Variants in MRPL48 observed in about 807,000 individuals in gnomAD.
MRPL48 encodes the protein mitochondrial ribosomal protein L48.
A neutral mutation model predicts 32.9 loss-of-function variants in MRPL48; 16 were observed. The observed-to-expected ratio is 0.49, with a 90% CI of 0.33 to 0.74. The LOEUF is 0.74. MRPL48 is among the 30% of genes least tolerant of loss of function. MRPL48 has a pLI of 0.02. For synonymous variants in MRPL48, 94 were observed against 89.2 expected (o/e 1.05, Z -0.31); for missense variants, 206 against 245.3 (o/e 0.84, Z 1.07).
intron 4 of MRPL48, chr11:73,842,720 C>T (rs763191078): frequency 6.6e-6 from 1 of 152,266 alleles, no homozygotes; most frequent in Non-Finnish European, 1.5e-5. Context: ...ATCCACCTGC[C>T]TCGGCCTCCC....
At chr11:73,826,185 T>A (rs1947886436) in intron 4 of MRPL48, among the ~76,000 whole-genome samples, 1 of 151,834 alleles carries the variant, frequency 6.6e-6, no homozygotes, top group Non-Finnish European at 1.5e-5. Flanking sequence ...CCCATCTAAT[T>A]AAAAAAAATT....
chr11:73,793,998 C>T (rs889868241), intron 1 of MRPL48, among the ~76,000 whole-genome samples: 15 of 151,634 alleles, frequency 9.9e-5, no homozygotes, highest in African/African-American at 1.7e-4. Flanking sequence ...TGAGCCACCA[C>T]GCCCGGCCTG....
intron 3 of MRPL48, among the ~76,000 whole-genome samples, chr11:73,814,397 G>GA (rs367618546): frequency 3.3e-5 from 5 of 149,350 alleles, no homozygotes; most frequent in Admixed American, 1.3e-4. Flanking sequence ...GTCTCAAAAA[G>GA]AAAAAAAAAG....
chr11:73,807,528 C>CA (rs1345990329), intron 2 of MRPL48, among the ~76,000 whole-genome samples: 1 of 150,242 alleles, frequency 6.7e-6, no homozygotes, highest in African/African-American at 2.4e-5. Context: ...CTAATCTTCA[C>CA]AAAAAACACT....
At chr11:73,849,594 G>C (rs749141076) in intron 5 of MRPL48, among the ~76,000 whole-genome samples, 5 of 152,118 alleles carry the variant, frequency 3.3e-5, no homozygotes, top group African/African-American at 7.2e-5. Flanking sequence ...TTGGTTTTTT[G>C]TTGTTGTTGC....
At chr11:73,794,414 G>T (rs145686442) in intron 1 of MRPL48, among the ~76,000 whole-genome samples, 83 of 151,854 alleles carry the variant, frequency 5.5e-4, no homozygotes, top group African/African-American at 2.0e-3. Flanking sequence ...AATTAGCTGG[G>T]CGTGGTGGCG....
At chr11:73,794,749 T>G (rs907326450) in intron 1 of MRPL48, among the ~76,000 whole-genome samples, 1 of 146,266 alleles carries the variant, frequency 6.8e-6, no homozygotes, top group Non-Finnish European at 1.5e-5. Context: ...CTTCTTTTCT[T>G]TTTTTTTTTT....
intron 1 of MRPL48, among the ~76,000 whole-genome samples, chr11:73,799,233 T>A (rs184718300): frequency 8.5e-5 from 13 of 152,058 alleles, no homozygotes; most frequent in Non-Finnish European, 1.0e-4. Flanking sequence ...ACATCTGTAG[T>A]CCCAGCTACT....
At chr11:73,802,998 A>G (rs1031928661) in intron 1 of MRPL48, among the ~76,000 whole-genome samples, 37 of 152,292 alleles carry the variant, frequency 2.4e-4, no homozygotes, top group African/African-American at 8.7e-4. Context: ...CACCTGGCTT[A>G]TAATAGACTT....
intron 1 of MRPL48, among the ~76,000 whole-genome samples, chr11:73,797,512 C>G (rs1351441825): frequency 6.6e-6 from 1 of 152,226 alleles, no homozygotes; most frequent in African/African-American, 2.4e-5. Context: ...CTGGCATCTC[C>G]AAGCTTCTGA....
chr11:73,836,094 C>T (rs1948097205), intron 4 of MRPL48, among the ~76,000 whole-genome samples: 1 of 151,126 alleles, frequency 6.6e-6, no homozygotes, highest in Non-Finnish European at 1.5e-5. Context: ...CCTCCATGCC[C>T]AGCTAATTTT....
chr11:73,854,697 A>G (rs1948457317), intron 5 of MRPL48, among the ~76,000 whole-genome samples: 1 of 152,180 alleles, frequency 6.6e-6, no homozygotes, highest in Non-Finnish European at 1.5e-5. Context: ...TTAAAAGACT[A>G]TCTAGTCCAA....
intron 7 of MRPL48, among the ~76,000 whole-genome samples, chr11:73,864,084 T>A (rs1948628633): frequency 2.0e-5 from 3 of 152,194 alleles, no homozygotes; most frequent in Admixed American, 1.3e-4. Context: ...CTAACCAGAC[T>A]ATAAGTTCAC....
chr11:73,788,100 G>T, intron 1 of MRPL48, 108 bp downstream of exon 1: 1 of 1,520,074 alleles, frequency 6.6e-7, no homozygotes, highest in South Asian at 1.2e-5. Context: ...GGACATCCGG[G>T]GATGAGACAC....
At chr11:73,857,445 CT>C (rs916636906) in intron 5 of MRPL48, among the ~76,000 whole-genome samples, 43 of 144,728 alleles carry the variant, frequency 3.0e-4, no homozygotes, top group African/African-American at 3.3e-4. Flanking sequence ...TTTTTTCTTC[CT>C]TTTTTTTTTT....
At chr11:73,790,292 A>G (rs1947125735) in intron 1 of MRPL48, among the ~76,000 whole-genome samples, 1 of 143,844 alleles carries the variant, frequency 7.0e-6, no homozygotes, top group Non-Finnish European at 1.5e-5. Context: ...GATGGTCTCT[A>G]TCTCCTGACC....
intron 3 of MRPL48, among the ~76,000 whole-genome samples, chr11:73,809,503 C>CA (rs11317887): frequency 0.026 from 2,632 of 102,782 alleles, 69 homozygotes; most frequent in African/African-American, 0.073. Context: ...GACTCCGTCT[C>CA]AAAAAAAAAA....
intron 4 of MRPL48, among the ~76,000 whole-genome samples, chr11:73,835,428 C>A (rs955044981): frequency 2.4e-4 from 36 of 152,206 alleles, no homozygotes; most frequent in Non-Finnish European, 4.9e-4. Context: ...GCGTGAGCCA[C>A]CGCGCCCACC....
intron 4 of MRPL48, among the ~76,000 whole-genome samples, chr11:73,827,344 A>G (rs533820815): frequency 1.3e-5 from 2 of 152,290 alleles, no homozygotes; most frequent in African/African-American, 2.4e-5. Context: ...AGATCACGCC[A>G]CTGTACTCTA....
Sources: allele counts gnomAD v4.1 joint callset (sites outside exome capture counted in the v4.1 genomes callset), GRCh38; gene constraint gnomAD v4.1.1; transcripts MANE v1.5; gene names NCBI Gene and HGNC (gene_info 2026-07-23, HGNC 2026-07-21).